Variants in CD300LG observed in about 807,000 individuals in gnomAD.
The protein encoded by CD300LG is CMRF35-like molecule 9.
In CD300LG, 29 loss-of-function variants were observed where a neutral mutation model predicts 31.5. The observed-to-expected ratio is 0.92, with a 90% CI of 0.68 to 1.25. The LOEUF (loss-of-function observed/expected upper bound fraction) is 1.25, where lower values mean the gene tolerates loss of function less well. CD300LG is among the 50% of genes most tolerant of loss of function. The pLI is 0.00. For synonymous variants in CD300LG, 175 were observed against 177.2 expected, an observed-to-expected ratio of 0.99 and a Z score of 0.10; for missense variants, 396 against 417.6, an observed-to-expected ratio of 0.95 and a Z score of 0.45.
chr17:43,851,090 T>TGC (rs2046337495), intron 2 of CD300LG, among the ~76,000 whole-genome samples: 1 of 133,414 alleles, frequency 7.5e-6, no homozygotes, highest in Admixed American at 9.0e-5. Context: ...GCCAAGATCG[T>TGC]GCCACTGCAC....
At chr17:43,850,616 A>C (rs1315603492) in intron 2 of CD300LG, among the ~76,000 whole-genome samples, 2 of 151,836 alleles carry the variant, frequency 1.3e-5, no homozygotes. Flanking sequence ...GACCACAGGC[A>C]CAAGTCACTA....
At chr17:43,855,990 G>T (rs2046508657) in intron 5 of CD300LG, among the ~76,000 whole-genome samples, 1 of 152,134 alleles carries the variant, frequency 6.6e-6, no homozygotes, top group African/African-American at 2.4e-5. Context: ...TGCCCAGGCT[G>T]GAGTGCAGTG....
chr17:43,862,838 T>C lies in CD300LG; in HGVS notation c.*927T>C, dbSNP rs1050748906. 6.6e-6 allele frequency: 1 copy of C among 152,272 alleles called. No individual in the cohort carries two copies. Among genetic ancestry groups the C allele is most frequent in the African/African-American group, 2.4e-5 (1 of 41,456 alleles). The allele number at this position is 152,272 out of a possible 1,614,324, so 9.4% of individuals were successfully genotyped here. A position where few individuals can be genotyped will look rare whatever the true frequency, so the allele number is the denominator to read the frequency against. On this transcript the variant is annotated 3_prime_UTR_variant, in exon 7 of 7. Transcript: ENST00000317310. ...AGAAAACCTTGGCTCCTTCCTTGTC[T>C]GGAAAGGGTTACTTGCCTATGGGTT... is the stretch of plus-strand genomic sequence containing the variant.
intron 4 of CD300LG, among the ~76,000 whole-genome samples, 164 bp from the exon 5 acceptor site, chr17:43,855,043 T>G (rs1201542645): frequency 6.6e-6 from 1 of 151,852 alleles, no homozygotes; most frequent in Non-Finnish European, 1.5e-5. Flanking sequence ...CCAGTAGCAC[T>G]AAATACCACC....
At chr17:43,848,059 G>A (rs537423144) in intron 1 of CD300LG, among the ~76,000 whole-genome samples, 1 of 152,046 alleles carries the variant, frequency 6.6e-6, no homozygotes, top group Non-Finnish European at 1.5e-5. Context: ...TGGCTAACAC[G>A]GTGAAACCCC....
chr17:43,861,339 G>A (rs1052857955), intron 6 of CD300LG: 40 of 957,886 alleles, frequency 4.2e-5, no homozygotes, highest in Middle Eastern at 1.1e-3. Flanking sequence ...AGTGGAAGGA[G>A]GCCTTTTCCT....
At chr17:43,854,145 A>G in intron 4 of CD300LG, 101 bp downstream of exon 4, 1 of 874,264 alleles carries the variant, frequency 1.1e-6, no homozygotes, top group Non-Finnish European at 1.8e-6. Flanking sequence ...AAGCGGACGC[A>G]TCCTCTTGTC....
chr17:43,858,391 AG>A, intron 6 of CD300LG: 1 of 985,438 alleles, frequency 1.0e-6, no homozygotes, highest in Non-Finnish European at 1.2e-6. Flanking sequence ...GCTCCAGAAG[AG>A]GGGCTGGGGT....
intron 6 of CD300LG, among the ~76,000 whole-genome samples, chr17:43,859,505 G>A (rs1237137418): frequency 6.6e-6 from 1 of 152,214 alleles, no homozygotes; most frequent in Non-Finnish European, 1.5e-5. Context: ...GCCTAGGTGT[G>A]CCGTTTGGCC....
At chr17:43,857,760 A>C (rs1229218870) in intron 6 of CD300LG, 1 of 1,536,208 alleles carries the variant, frequency 6.5e-7, no homozygotes. Flanking sequence ...CAGGACCCAG[A>C]TTTCTTGACT....
At chr17:43,847,305 G>A (rs1302429653) in intron 1 of CD300LG, 46 bp downstream of exon 1, 5 of 1,606,182 alleles carry the variant, frequency 3.1e-6, no homozygotes, top group Non-Finnish European at 4.3e-6. Context: ...GCTCACCCTT[G>A]TGGTCTGCAG....
intron 2 of CD300LG, chr17:43,849,815 G>A (rs1555599322): frequency 6.6e-6 from 1 of 152,072 alleles, no homozygotes. Flanking sequence ...CCCAATCCCA[G>A]GCCCATCCCT....
intron 6 of CD300LG, chr17:43,861,379 C>T (rs1051987520): frequency 5.9e-6 from 4 of 681,952 alleles, no homozygotes; most frequent in Non-Finnish European, 7.2e-6. Context: ...CCCACACCCC[C>T]GCATCTACCC....
intron 3 of CD300LG, 82 bp downstream of exon 3, chr17:43,853,095 C>T: frequency 8.1e-7 from 1 of 1,233,682 alleles, no homozygotes; most frequent in Non-Finnish European, 1.2e-6. Context: ...GTACCAGACA[C>T]AATAGTTTAT....
At position 43,853,986 on chromosome 17, in the gene CD300LG, G is replaced by T; in HGVS notation, c.661G>T (p.Asp221Tyr). 6.2e-7 allele frequency: 1 copy of T among 1,614,180 alleles called. No homozygotes were observed. The highest frequency in any genetic ancestry group is 1.3e-5 in the African/African-American group (1 of 75,044). ...GAGCTCCCGCCCCCCCATGCAGCTG[G>T]ACTCCACCTCAGCAGAGGACACCAG... The part of the protein sequence containing the change: ...AGSSRPPMQL[D>Y]STSAEDTSPA... Residue 221 changes from aspartate to tyrosine, a missense_variant, in exon 4 of 7, where the codon GAC (aspartate) becomes TAC (tyrosine). Asp to Tyr is a radical substitution (Grantham distance 160). Coordinates refer to ENST00000317310, the MANE Select transcript of CD300LG (RefSeq NM_145273.4).
intron 2 of CD300LG, among the ~76,000 whole-genome samples, chr17:43,851,944 A>G (rs2046371518): frequency 6.6e-6 from 1 of 152,080 alleles, no homozygotes; most frequent in African/African-American, 2.4e-5. Context: ...GCACAGAGGA[A>G]AAAGAGATTC....
chr17:43,857,330 G>T, intron 6 of CD300LG, 174 bp downstream of exon 6: 2 of 1,481,166 alleles, frequency 1.4e-6, no homozygotes, highest in Non-Finnish European at 1.8e-6. Context: ...GCCCTTCAGG[G>T]TGTGAGCCGG....
At chr17:43,849,196 A>T in intron 2 of CD300LG, 1 of 538,228 alleles carries the variant, frequency 1.9e-6, no homozygotes, top group Non-Finnish European at 3.3e-6. Flanking sequence ...GGAGATTTCC[A>T]TAGGCTGGGT....
chr17:43,852,885 T>G (rs772395434), intron 2 of CD300LG, 27 bp from the exon 3 acceptor site: 3 of 1,581,160 alleles, frequency 1.9e-6, no homozygotes, highest in African/African-American at 1.4e-5. Flanking sequence ...GTGCCACCCC[T>G]GAGAGCAGCC....
Sources: gnomAD v4.1 joint callset for allele counts (sites outside exome capture counted in the v4.1 genomes callset) on GRCh38, gnomAD v4.1.1 for gene constraint, MANE v1.5 for transcripts, NCBI Gene and HGNC (gene_info 2026-07-23, HGNC 2026-07-21) for gene names.